ANO3: variants seen among roughly 807,000 people sequenced by gnomAD.
ANO3 encodes the protein anoctamin 3.
In ANO3, 99 loss-of-function variants were observed where a neutral mutation model predicts 144.8. The ratio of observed to expected loss-of-function variants is 0.68; its 90% CI spans 0.58 to 0.81. The LOEUF (loss-of-function observed/expected upper bound fraction) is 0.81. ANO3 is among the 30% of genes least tolerant of loss of function. The pLI, the probability that ANO3 is intolerant of heterozygous loss-of-function variation, is 0.00. For missense variants in ANO3, 905 were observed against 1,202.2 expected (o/e 0.75, Z 3.66); for synonymous variants, 414 against 392.6 (o/e 1.05, Z -0.64).
At chr11:26,552,929 C>A (rs551985229) in intron 12 of ANO3, among the ~76,000 whole-genome samples, 1 of 147,522 alleles carries the variant, frequency 6.8e-6, no homozygotes, top group Non-Finnish European at 1.5e-5. Flanking sequence ...ATTGGTATAC[C>A]GCACAAGATT....
chr11:26,402,174 C>T (rs1234050968), intron 1 of ANO3, among the ~76,000 whole-genome samples: 2 of 151,926 alleles, frequency 1.3e-5, no homozygotes, highest in African/African-American at 2.4e-5. Flanking sequence ...AATGGGATTG[C>T]TGGGTCCAAT....
chr11:26,601,894 T>A (rs1239838012), intron 17 of ANO3, among the ~76,000 whole-genome samples: 1 of 152,124 alleles, frequency 6.6e-6, no homozygotes, highest in Non-Finnish European at 1.5e-5. Flanking sequence ...GACAAAAAAA[T>A]TAATAATAGT....
chr11:26,553,419 A>T (rs1035195142), intron 13 of ANO3, 74 bp downstream of exon 13: 10 of 982,212 alleles, frequency 1.0e-5, no homozygotes, highest in Middle Eastern at 2.2e-4. Context: ...TCTAGTCAAT[A>T]GCTTTTTACC....
chr11:26,430,147 G>A (rs1858039547), intron 1 of ANO3, among the ~76,000 whole-genome samples: 1 of 151,672 alleles, frequency 6.6e-6, no homozygotes, highest in Non-Finnish European at 1.5e-5. Flanking sequence ...TGTAATCCCA[G>A]CTACTCGAGA....
At chr11:26,247,538 A>C (rs193041372) in intron 1 of ANO3, among the ~76,000 whole-genome samples, 21 of 152,288 alleles carry the variant, frequency 1.4e-4, no homozygotes, top group African/African-American at 5.1e-4. Context: ...AGTCAGAGAA[A>C]CCAGAAGACA....
chr11:26,656,912 G>A (rs1259944055), intron 26 of ANO3, among the ~76,000 whole-genome samples: 1 of 152,128 alleles, frequency 6.6e-6, no homozygotes, highest in South Asian at 2.1e-4. Context: ...ACACTGGATG[G>A]TTCAATAAAT....
chr11:26,289,566 AT>A (rs1406276921), intron 1 of ANO3, among the ~76,000 whole-genome samples: 7 of 103,810 alleles, frequency 6.7e-5, no homozygotes, highest in African/African-American at 4.4e-4. Context: ...GTATATGTAC[AT>A]ATACACATAT....
At chr11:26,561,296 G>A (rs1424468513) in intron 14 of ANO3, 2 of 1,151,798 alleles carry the variant, frequency 1.7e-6, no homozygotes, top group African/African-American at 3.2e-5. Context: ...CATCCACCAA[G>A]TTATAGGAAT....
intron 1 of ANO3, among the ~76,000 whole-genome samples, chr11:26,439,425 C>G (rs1858432124): frequency 6.6e-6 from 1 of 152,188 alleles, no homozygotes; most frequent in East Asian, 1.9e-4. Context: ...TGCATGGAGG[C>G]AAGAAATTAG....
chr11:26,214,746 A>G (rs1373121184), intron 1 of ANO3, among the ~76,000 whole-genome samples: 1 of 151,886 alleles, frequency 6.6e-6, no homozygotes, highest in Admixed American at 6.6e-5. Context: ...ACCAATATTG[A>G]TATATTATTA....
rs182696414 is a variant in ANO3, at chr11:26,605,038, A to G, written c.1836+5324A>G. Among the ~76,000 whole-genome samples the G allele has an allele frequency of 2.0e-5, 3 of 152,256 alleles. No individual in the cohort carries two copies. The East Asian group carries it at 5.8e-4, about 29-fold the overall frequency. On this transcript the variant is annotated intron_variant, in intron 17 of 26. Coordinates refer to ENST00000256737, the MANE Select transcript of ANO3 (RefSeq NM_031418.4). ...CCAGCTTTTGCTCATTCAATGTGAT[A>G]TTGGCTGTGGGTTTTTCATAAGTAG...
chr11:26,395,318 T>C (rs1383557675), intron 1 of ANO3, among the ~76,000 whole-genome samples: 6 of 152,148 alleles, frequency 3.9e-5, no homozygotes, highest in Admixed American at 3.9e-4. Flanking sequence ...GTGACGAAAG[T>C]CAGTGGTAAT....
At chr11:26,574,219 C>T (rs1850930302) in intron 14 of ANO3, among the ~76,000 whole-genome samples, 1 of 152,168 alleles carries the variant, frequency 6.6e-6, no homozygotes. Context: ...GAAGAAAAAC[C>T]TCTTCCTAGT....
chr11:26,471,384 C>T (rs970114623), intron 4 of ANO3, among the ~76,000 whole-genome samples: 80 of 152,066 alleles, frequency 5.3e-4, no homozygotes, highest in African/African-American at 1.9e-3. Flanking sequence ...CTTGTATCAA[C>T]AAACCCCTAA....
At chr11:26,463,680 C>T (rs149155340) in intron 4 of ANO3, among the ~76,000 whole-genome samples, 2 of 151,902 alleles carry the variant, frequency 1.3e-5, no homozygotes, top group Non-Finnish European at 2.9e-5. Flanking sequence ...TTCACCAATA[C>T]AAAAATGAGG....
intron 10 of ANO3, among the ~76,000 whole-genome samples, chr11:26,538,775 C>T (rs1849573163): frequency 6.6e-6 from 1 of 151,958 alleles, no homozygotes; most frequent in African/African-American, 2.4e-5. Context: ...GCAATAAATA[C>T]ATGAAAAGAA....
chr11:26,394,330 CATT>C (rs1036022405), intron 1 of ANO3, among the ~76,000 whole-genome samples: 7 of 151,958 alleles, frequency 4.6e-5, no homozygotes, highest in Non-Finnish European at 1.0e-4. Flanking sequence ...CTGGTTCTTT[CATT>C]ATTATAGTTA....
chr11:26,264,968 T>C (rs984585322), intron 1 of ANO3, among the ~76,000 whole-genome samples: 1 of 152,072 alleles, frequency 6.6e-6, no homozygotes, highest in African/African-American at 2.4e-5. Context: ...AATTTTCTTT[T>C]GGAGGTAATA....
Position 26,608,248 on chromosome 11 carries a change from G to T in ANO3, c.1836+8534G>T, listed in dbSNP as rs1021843032. On this transcript the variant is annotated intron_variant, in intron 17 of 26. Transcript: ENST00000256737. ...GTTCCCTTCAGGCCCTATTCATTTG[G>T]TTCACCCCCATGCCTGTAGATGTCA... Among the ~76,000 whole-genome samples the T allele has an allele frequency of 9.9e-5, 15 of 152,174 alleles. No individual in the cohort carries two copies. The East Asian group carries it at 2.7e-3, about 28-fold the overall frequency.
Sources: gnomAD v4.1 joint callset for allele counts (sites outside exome capture counted in the v4.1 genomes callset) on GRCh38, gnomAD v4.1.1 for gene constraint, MANE v1.5 for transcripts, NCBI Gene and HGNC (gene_info 2026-07-23, HGNC 2026-07-21) for gene names.